Variants in SLC3A2 observed in about 807,000 individuals in gnomAD.
SLC3A2 encodes the protein solute carrier family 3 member 2.
Under a neutral mutation model 48.5 loss-of-function variants are expected in SLC3A2, and 32 were observed. The observed-to-expected ratio is 0.66, with a 90% CI of 0.50 to 0.89. The LOEUF is 0.89. SLC3A2 is among the 40% of genes least tolerant of loss of function. The pLI is 0.00. For synonymous variants in SLC3A2, 277 were observed against 288.8 expected (o/e 0.96, Z 0.41); for missense variants, 587 against 680.7 (o/e 0.86, Z 1.53).
chr11:62,875,535 CAAAAA>C lies in SLC3A2; in HGVS notation c.113-5478_113-5474del, dbSNP rs375238199. ...TGGGCGACAGAGCGAGACTTCATCT[CAAAAA>C]AAAAAGTCCTTCTTAGATGTTTTTA... is the stretch of plus-strand genomic sequence containing the variant. On this transcript the variant is annotated intron_variant, in intron 1 of 9. Transcript: ENST00000377889. Among the ~76,000 whole-genome samples, 3 of 147,602 alleles carry C rather than the reference CAAAAA, an allele frequency of 2.0e-5. No homozygotes were observed. In the East Asian group the frequency reaches 5.9e-4, roughly 29 times the overall value.
chr11:62,861,401 G>A (rs1303026575), intron 1 of SLC3A2, among the ~76,000 whole-genome samples: 1 of 152,162 alleles, frequency 6.6e-6, no homozygotes, highest in African/African-American at 2.4e-5. Flanking sequence ...TGGGACTACA[G>A]GCATGGGCCA....
At position 62,871,540 on chromosome 11, in the gene SLC3A2, A is replaced by G. The variant is rs531637649; in HGVS notation, c.113-9479A>G. The G allele has an allele frequency of 9.0e-5, 55 of 608,484 alleles. No individual in the cohort carries two copies. In the East Asian group the frequency reaches 1.4e-3, roughly 15 times the overall value. The allele number at this position is 608,484 out of a possible 1,614,324, so 37.7% of individuals were successfully genotyped here. A position where few individuals can be genotyped will look rare whatever the true frequency, so the allele number is the denominator to read the frequency against. ...CAGGCGTGAGCCACTGTGCCCAACC[A>G]TACTTTATATAATATTATTATTATT... On this transcript the variant is annotated intron_variant, in intron 1 of 9. Coordinates refer to the SLC3A2 transcript ENST00000377889.
intron 1 of SLC3A2, among the ~76,000 whole-genome samples, chr11:62,864,042 AGCC>A (rs1476942617): frequency 1.3e-5 from 2 of 152,156 alleles, no homozygotes; most frequent in Non-Finnish European, 2.9e-5. Flanking sequence ...TTGGCAGCTT[AGCC>A]GGTATGTGGG....
intron 1 of SLC3A2, among the ~76,000 whole-genome samples, chr11:62,864,489 C>T (rs1042686970): frequency 3.3e-5 from 5 of 151,938 alleles, no homozygotes; most frequent in South Asian, 2.1e-4. Flanking sequence ...ATTTTTGAGA[C>T]GGAGTCTCGC....
At chr11:62,883,038 TG>T in intron 3 of SLC3A2, 39 bp downstream of exon 3, 1 of 1,581,312 alleles carries the variant, frequency 6.3e-7, no homozygotes, top group Non-Finnish European at 8.7e-7. Context: ...AGTCAGATGC[TG>T]GGGCTGGGAC....
upstream of SLC3A2, chr11:62,880,879 C>A (rs1435069514): frequency 2.8e-6 from 4 of 1,420,994 alleles, no homozygotes; most frequent in Admixed American, 3.0e-5. Context: ...TCCCAGAGGC[C>A]GCGCCTGCTG....
At chr11:62,864,724 C>G (rs1412013587) in intron 1 of SLC3A2, among the ~76,000 whole-genome samples, 2 of 151,536 alleles carry the variant, frequency 1.3e-5, no homozygotes, top group African/African-American at 4.9e-5. Flanking sequence ...CCTCGGCCTC[C>G]CAAAGTGCTG....
intron 1 of SLC3A2, among the ~76,000 whole-genome samples, chr11:62,859,190 G>A (rs1437035457): frequency 6.6e-6 from 1 of 151,886 alleles, no homozygotes; most frequent in Non-Finnish European, 1.5e-5. Context: ...GCGGCCTTCC[G>A]CAGTTTTTGT....
intron 8 of SLC3A2, 37 bp downstream of exon 8, chr11:62,888,255 G>A (rs1239074556): frequency 6.2e-7 from 1 of 1,611,184 alleles, no homozygotes; most frequent in Non-Finnish European, 8.5e-7. Flanking sequence ...GACCGGTGGA[G>A]GGTGGGCTGG....
chr11:62,885,486 ACTTC>A lies in SLC3A2; in HGVS notation c.1026_1029del (p.Phe343CysfsTer11). The A allele has an allele frequency of 1.2e-6, 2 of 1,614,036 alleles. No homozygotes were observed. The highest frequency in any genetic ancestry group is 1.7e-6 in the Non-Finnish European group (2 of 1,179,998). ...GTAGTTGTCTCAGGCAAGGCTCCTG[ACTTC>A]CTTCTTGCCGGCTCAACTTCTCCGA... On this transcript the variant is annotated frameshift_variant, in exon 7 of 9. Transcript: ENST00000338663. LOFTEE classifies it high-confidence loss of function.
chr11:62,873,992 TTTTTTTTTTTTTTTG>T (rs1344375721), intron 1 of SLC3A2, among the ~76,000 whole-genome samples: 304 of 136,512 alleles, frequency 2.2e-3, no homozygotes, highest in African/African-American at 7.4e-3. Flanking sequence ...TTTTTTTTTT[TTTTTTTTTTTTTTTG>T]GAGAAAGAGT....
Position 62,882,903 on chromosome 11 carries a change from T to A in SLC3A2, c.599-5T>A, listed in dbSNP as rs1286456338. On this transcript the variant is annotated splice_polypyrimidine_tract_variant and splice_region_variant and intron_variant, in intron 2 of 8. Transcript: ENST00000338663. ...TCATGATTGCGTCTTCCTCCGTTGT[T>A]TTAGGCATCCGTGTCATTCTGGACC... 1.9e-6 allele frequency: 3 copies of A among 1,613,282 alleles called. No individual in the cohort carries two copies. The highest frequency in any genetic ancestry group is 2.5e-6 in the Non-Finnish European group (3 of 1,179,162).
At chr11:62,880,873 A>G (rs1269874126), upstream of SLC3A2, 1 of 1,415,904 alleles carries the variant, frequency 7.1e-7, no homozygotes, top group African/African-American at 1.4e-5. Context: ...GCCCCTTCCC[A>G]GAGGCCGCGC....
chr11:62,870,207 GAGTCTCA>G (rs1276620281), intron 1 of SLC3A2, among the ~76,000 whole-genome samples: 1 of 149,326 alleles, frequency 6.7e-6, no homozygotes, highest in African/African-American at 2.5e-5. Flanking sequence ...TTTTGAGACA[GAGTCTCA>G]CTTTGTTGCC....
chr11:62,870,226 G>T (rs1389783132), intron 1 of SLC3A2, among the ~76,000 whole-genome samples: 1 of 151,384 alleles, frequency 6.6e-6, no homozygotes, highest in Non-Finnish European at 1.5e-5. Flanking sequence ...TTTGTTGCCA[G>T]CCTGGAGTGC....
intron 1 of SLC3A2, among the ~76,000 whole-genome samples, chr11:62,866,157 G>A (rs752867336): frequency 2.6e-4 from 38 of 148,162 alleles, no homozygotes; most frequent in Non-Finnish European, 3.6e-4. Context: ...TGCTCTTGTC[G>A]CCCAGGCTGG....
intron 1 of SLC3A2, among the ~76,000 whole-genome samples, chr11:62,868,110 C>T (rs2085472422): frequency 1.3e-5 from 2 of 151,450 alleles, no homozygotes; most frequent in Non-Finnish European, 2.9e-5. Context: ...TTAGTAGAGA[C>T]GGGGTTTCAC....
At chr11:62,865,387 T>C (rs1043362489) in intron 1 of SLC3A2, among the ~76,000 whole-genome samples, 2 of 152,004 alleles carry the variant, frequency 1.3e-5, no homozygotes, top group Non-Finnish European at 2.9e-5. Context: ...ACCCCATCTC[T>C]ACTAAAAATA....
chr11:62,880,930 G>C lies in SLC3A2; in HGVS notation c.-94G>C. On this transcript the variant is annotated 5_prime_UTR_variant, in exon 1 of 9. Transcript: ENST00000338663. ...AGCCGAAACTGCGCGGAGGCACAGA[G>C]GCCGGGGAGAGCGTTCTGGGTCCGA... is the stretch of plus-strand genomic sequence containing the variant. The C allele has an allele frequency of 6.8e-7, 1 of 1,472,032 alleles. No individual in the cohort carries two copies. Among genetic ancestry groups the C allele is most frequent in the Non-Finnish European group, 9.0e-7 (1 of 1,112,120 alleles). The allele number at this position is 1,472,032 out of a possible 1,614,324, so 91.2% of individuals were successfully genotyped here. A position where few individuals can be genotyped will look rare whatever the true frequency, so the allele number is the denominator to read the frequency against.
Sources: allele counts gnomAD v4.1 joint callset (sites outside exome capture counted in the v4.1 genomes callset), GRCh38; gene constraint gnomAD v4.1.1; transcripts MANE v1.5; gene names NCBI Gene and HGNC (gene_info 2026-07-23, HGNC 2026-07-21).